Variants in CAPN5 observed in about 807,000 individuals in gnomAD.
CAPN5 encodes the protein calpain-5.
A neutral mutation model predicts 73.0 loss-of-function variants in CAPN5; 54 were observed. The observed-to-expected ratio is 0.74, with a 90% CI of 0.59 to 0.93. The LOEUF is 0.93. CAPN5 is among the 40% of genes least tolerant of loss of function. The probability of loss-of-function intolerance (pLI) is 0.00; values close to 1 mark genes in which losing one functional copy is unlikely to be tolerated. For synonymous variants in CAPN5, 335 were observed against 356.9 expected (o/e 0.94, Z 0.69); for missense variants, 785 against 882.9 (o/e 0.89, Z 1.41).
chr11:77,094,004 C>T (rs985146137), intron 3 of CAPN5, among the ~76,000 whole-genome samples, 191 bp downstream of exon 3: 57 of 152,276 alleles, frequency 3.7e-4, no homozygotes, highest in African/African-American at 1.2e-3. Context: ...TGGGCACCCC[C>T]AGGGGCAGGT....
chr11:77,103,369 G>A (rs975564958), intron 3 of CAPN5: 3 of 1,579,434 alleles, frequency 1.9e-6, no homozygotes, highest in Middle Eastern at 1.7e-4. Flanking sequence ...TAGCCCACCT[G>A]TGCTCTCCCC....
chr11:77,102,912 A>G, intron 3 of CAPN5: 1 of 1,612,856 alleles, frequency 6.2e-7, no homozygotes, highest in Non-Finnish European at 8.5e-7. Flanking sequence ...GACCAGGCAG[A>G]TGCGGCTACG....
At chr11:77,093,087 C>G (rs1405233254) in intron 2 of CAPN5, among the ~76,000 whole-genome samples, 3 of 152,252 alleles carry the variant, frequency 2.0e-5, no homozygotes, top group African/African-American at 7.2e-5. Flanking sequence ...CATTCCTCGC[C>G]CATACAATGG....
chr11:77,088,836 G>GGTGGGCTGGGCT (rs1201959237), intron 2 of CAPN5, among the ~76,000 whole-genome samples: 1 of 152,194 alleles, frequency 6.6e-6, no homozygotes, highest in Non-Finnish European at 1.5e-5. Flanking sequence ...GGAGAAGGGA[G>GGTGGGCTGGGCT]GTGGGCTGGG....
chr11:77,069,627 G>T (rs1949881652), intron 1 of CAPN5, among the ~76,000 whole-genome samples: 1 of 152,090 alleles, frequency 6.6e-6, no homozygotes, highest in Non-Finnish European at 1.5e-5. Context: ...GCTGCAAAGA[G>T]CAGGGTCTGC....
chr11:77,074,026 C>T (rs782314364), intron 1 of CAPN5, among the ~76,000 whole-genome samples: 11 of 152,310 alleles, frequency 7.2e-5, no homozygotes, highest in Non-Finnish European at 1.3e-4. Context: ...AGTACACCCA[C>T]GAAAGGACAA....
chr11:77,100,743 C>G (rs1950275377), intron 3 of CAPN5, among the ~76,000 whole-genome samples: 1 of 152,192 alleles, frequency 6.6e-6, no homozygotes, highest in Non-Finnish European at 1.5e-5. Context: ...GGGCTTGGTT[C>G]CTGCCATTTT....
At chr11:77,084,627 C>T (rs1306206411) in intron 1 of CAPN5, among the ~76,000 whole-genome samples, 4 of 152,138 alleles carry the variant, frequency 2.6e-5, no homozygotes, top group Non-Finnish European at 5.9e-5. Context: ...GCCTGTGGGC[C>T]TGGTATCGCC....
At chr11:77,082,609 C>T (rs1168134422) in intron 1 of CAPN5, among the ~76,000 whole-genome samples, 2 of 152,176 alleles carry the variant, frequency 1.3e-5, no homozygotes, top group Non-Finnish European at 2.9e-5. Flanking sequence ...GTTAGCCTGG[C>T]AGGCAGGTGA....
Position 77,112,540 on chromosome 11 carries a change from AC to A in CAPN5, c.298-48del. 2.1e-6 allele frequency: 3 copies of A among 1,429,734 alleles called. No homozygotes were observed. The South Asian group carries it at 3.4e-5, about 16-fold the overall frequency. The allele number at this position is 1,429,734 out of a possible 1,614,324, so 88.6% of individuals were successfully genotyped here. A position where few individuals can be genotyped will look rare whatever the true frequency, so the allele number is the denominator to read the frequency against. On this transcript the variant is annotated intron_variant, in intron 3 of 12. Coordinates refer to ENST00000648180, the MANE Select transcript of CAPN5 (RefSeq NM_004055.5). ...CGCCCCCATTTCCTCAGGAAGCCGGACATCCCCTCACTGTGTTCCCCCATCC... is the reference window on the plus strand; with the variant it reads ...CGCCCCCATTTCCTCAGGAAGCCGGAATCCCCTCACTGTGTTCCCCCATCC...
intron 10 of CAPN5, 77 bp from the exon 11 acceptor site, chr11:77,121,857 C>A: frequency 1.4e-6 from 1 of 726,544 alleles, no homozygotes; most frequent in Non-Finnish European, 2.3e-6. Context: ...TCCCTTCCCA[C>A]TTCCTGAACC....
chr11:77,095,559 T>C (rs1555037378), intron 3 of CAPN5, among the ~76,000 whole-genome samples: 1 of 152,196 alleles, frequency 6.6e-6, no homozygotes, highest in East Asian at 1.9e-4. Context: ...ACAGAGCTCC[T>C]TTCCAAATTG....
At chr11:77,093,494 G>T (rs1041003430) in intron 2 of CAPN5, among the ~76,000 whole-genome samples, 188 bp from the exon 3 acceptor site, 3 of 152,208 alleles carry the variant, frequency 2.0e-5, no homozygotes, top group African/African-American at 4.8e-5. Context: ...ACCGCGGGGT[G>T]GGGGGCAAGC....
chr11:77,085,932 C>G (rs1312572762), intron 2 of CAPN5, among the ~76,000 whole-genome samples: 3 of 152,174 alleles, frequency 2.0e-5, no homozygotes, highest in Non-Finnish European at 4.4e-5. Context: ...CAAGGATGCT[C>G]CAGGCTGGGA....
intron 1 of CAPN5, chr11:77,073,233 T>C: frequency 1.5e-6 from 1 of 671,674 alleles, no homozygotes; most frequent in Non-Finnish European, 2.3e-6. Context: ...CACCCGAGGC[T>C]TGGCCTGGGG....
intron 3 of CAPN5, among the ~76,000 whole-genome samples, chr11:77,098,524 C>T (rs1297396344): frequency 7.7e-4 from 73 of 94,306 alleles, no homozygotes; most frequent in Non-Finnish European, 1.1e-3. Flanking sequence ...ACCTCCCTCC[C>T]GGACAGGGCG....
intron 3 of CAPN5, among the ~76,000 whole-genome samples, chr11:77,110,356 G>A (rs1244422684): frequency 1.3e-5 from 2 of 152,264 alleles, no homozygotes; most frequent in African/African-American, 4.8e-5. Flanking sequence ...CCCATGAGAC[G>A]TGTTTTTGAT....
At chr11:77,080,241 C>T (rs2135416521) in intron 1 of CAPN5, among the ~76,000 whole-genome samples, 1 of 152,312 alleles carries the variant, frequency 6.6e-6, no homozygotes, top group South Asian at 2.1e-4. Context: ...TGTGATCAGC[C>T]TTGTTACTTA....
In CAPN5 at chr11:77,112,573, C is replaced by T. The variant is rs782670788; in HGVS notation, c.298-16C>T. 1.9e-6 allele frequency: 3 copies of T among 1,608,668 alleles called. No homozygotes were observed. In the Admixed American group the frequency reaches 5.0e-5, roughly 27 times the overall value. ...TCACTGTGTTCCCCCATCCTATCCC[C>T]CCTCCCCCTACCCAGGTCATCCCAG... On this transcript the variant is annotated splice_polypyrimidine_tract_variant and intron_variant, in intron 3 of 12. Coordinates refer to ENST00000648180, the MANE Select transcript of CAPN5 (RefSeq NM_004055.5).
Sources: allele counts gnomAD v4.1 joint callset (sites outside exome capture counted in the v4.1 genomes callset), GRCh38; gene constraint gnomAD v4.1.1; transcripts MANE v1.5; gene names NCBI Gene and HGNC (gene_info 2026-07-23, HGNC 2026-07-21).